LRRC4C: variants seen among roughly 807,000 people sequenced by gnomAD.
The protein encoded by LRRC4C is leucine-rich repeat-containing protein 4C.
A neutral mutation model predicts 33.6 loss-of-function variants in LRRC4C; 5 were observed. The ratio of observed to expected loss-of-function variants is 0.15; its 90% CI spans 0.08 to 0.31. The LOEUF is 0.31. LRRC4C is among the 10% of genes least tolerant of loss of function. The probability of loss-of-function intolerance (pLI) is 1.00; values close to 1 mark genes in which losing one functional copy is unlikely to be tolerated. For synonymous variants in LRRC4C, 329 were observed against 302.0 expected (o/e 1.09, Z -0.93); for missense variants, 560 against 796.7 (o/e 0.70, Z 3.58).
At chr11:41,148,598 A>T (rs189981983) in intron 1 of LRRC4C, among the ~76,000 whole-genome samples, 1 of 152,204 alleles carries the variant, frequency 6.6e-6, no homozygotes, top group Non-Finnish European at 1.5e-5. Flanking sequence ...GTTTTAGCTT[A>T]CTTGTGAACT....
At chr11:40,154,311 C>CAAAACAAAAAAA (rs1858495192) in intron 5 of LRRC4C, among the ~76,000 whole-genome samples, 140 of 137,650 alleles carry the variant, frequency 1.0e-3, no homozygotes, top group African/African-American at 3.7e-3. Flanking sequence ...AAACAAAAAG[C>CAAAACAAAAAAA]AAAGTACACA....
At chr11:40,404,763 A>AT (rs1949897731) in intron 3 of LRRC4C, among the ~76,000 whole-genome samples, 2 of 152,188 alleles carry the variant, frequency 1.3e-5, no homozygotes, top group Non-Finnish European at 1.5e-5. Context: ...TTATCCTTAA[A>AT]TATAGTTCAG....
chr11:40,508,250 G>A (rs534264798), intron 3 of LRRC4C, among the ~76,000 whole-genome samples: 1 of 152,182 alleles, frequency 6.6e-6, no homozygotes, highest in East Asian at 1.9e-4. Context: ...TGGAATTGAA[G>A]GCCAAAGAAG....
intron 3 of LRRC4C, among the ~76,000 whole-genome samples, chr11:40,338,243 A>G (rs1199198082): frequency 8.5e-5 from 13 of 152,226 alleles, no homozygotes; most frequent in Non-Finnish European, 1.9e-4. Context: ...TTCTAAAGGT[A>G]GTAAATAAGT....
chr11:40,187,423 T>C (rs943040503), intron 5 of LRRC4C, among the ~76,000 whole-genome samples: 5 of 151,930 alleles, frequency 3.3e-5, no homozygotes, highest in African/African-American at 7.3e-5. Flanking sequence ...AATGTTTGGA[T>C]TGACAGCTCT....
At chr11:41,431,768 A>G (rs1001721506) in intron 1 of LRRC4C, among the ~76,000 whole-genome samples, 1 of 152,132 alleles carries the variant, frequency 6.6e-6, no homozygotes, top group African/African-American at 2.4e-5. Flanking sequence ...GCAGATAACC[A>G]AATAACTCAT....
chr11:40,912,074 C>A (rs6416111), intron 2 of LRRC4C, among the ~76,000 whole-genome samples: 1 of 152,196 alleles, frequency 6.6e-6, no homozygotes, highest in Admixed American at 6.5e-5. Flanking sequence ...ATCTGATTAG[C>A]GTACCTGAAA....
chr11:40,623,528 G>A (rs1334140935), intron 3 of LRRC4C, among the ~76,000 whole-genome samples: 1 of 151,882 alleles, frequency 6.6e-6, no homozygotes, highest in African/African-American at 2.4e-5. Context: ...GTAACTAGTA[G>A]GATCTATAAA....
intron 1 of LRRC4C, among the ~76,000 whole-genome samples, chr11:41,016,867 G>T (rs910288561): frequency 6.6e-6 from 1 of 152,122 alleles, no homozygotes; most frequent in African/African-American, 2.4e-5. Flanking sequence ...TCCAGAAATG[G>T]CATCATTAGG....
chr11:40,901,739 C>A (rs1260384456), intron 2 of LRRC4C, among the ~76,000 whole-genome samples: 1 of 151,884 alleles, frequency 6.6e-6, no homozygotes, highest in African/African-American at 2.4e-5. Context: ...GTAGAGTGAA[C>A]CGTACACAAT....
At chr11:40,864,895 G>A (rs1214095873) in intron 2 of LRRC4C, among the ~76,000 whole-genome samples, 1 of 152,130 alleles carries the variant, frequency 6.6e-6, no homozygotes, top group South Asian at 2.1e-4. Context: ...GGGATAAGTG[G>A]ACAGGTGATA....
intron 4 of LRRC4C, among the ~76,000 whole-genome samples, chr11:40,304,201 C>T (rs1273881157): frequency 6.6e-6 from 1 of 152,132 alleles, no homozygotes; most frequent in African/African-American, 2.4e-5. Flanking sequence ...GCCTGGAAGA[C>T]CTAGCTCTTT....
At chr11:41,058,344 A>G (rs752831113) in intron 1 of LRRC4C, among the ~76,000 whole-genome samples, 10 of 152,186 alleles carry the variant, frequency 6.6e-5, no homozygotes, top group Non-Finnish European at 1.3e-4. Flanking sequence ...CCATGCCAGC[A>G]CCTGTAGCTG....
intron 3 of LRRC4C, among the ~76,000 whole-genome samples, chr11:40,574,909 G>T (rs956423009): frequency 6.6e-6 from 1 of 152,138 alleles, no homozygotes; most frequent in Non-Finnish European, 1.5e-5. Flanking sequence ...ACTCTAGAAG[G>T]TTGCACGCCA....
intron 1 of LRRC4C, among the ~76,000 whole-genome samples, chr11:40,973,287 G>C (rs1851858565): frequency 6.6e-6 from 1 of 151,826 alleles, no homozygotes. Context: ...AAGAAAGCTA[G>C]TCCACTTTAG....
intron 3 of LRRC4C, among the ~76,000 whole-genome samples, chr11:40,601,627 T>C (rs542659661): frequency 2.0e-4 from 30 of 152,352 alleles, no homozygotes; most frequent in African/African-American, 7.0e-4. Flanking sequence ...TTTTGTATCA[T>C]TAAAATTTCC....
At position 40,278,335 on chromosome 11, in the gene LRRC4C, C is replaced by T. The variant is rs190767511; in HGVS notation, c.-175-36737G>A. ...GGAATGGCGTATGTCACTGCTAAGACCTTTGCAACAACAGTTAGATTAAAT... is the reference window on the plus strand; with the variant it reads ...GGAATGGCGTATGTCACTGCTAAGATCTTTGCAACAACAGTTAGATTAAAT... On this transcript the variant is annotated intron_variant, in intron 4 of 6. Transcript: ENST00000528697. 6.2e-3 allele frequency among the ~76,000 whole-genome samples: 948 copies of T among 152,200 alleles called. 22 individuals are homozygous for T. The South Asian group carries it at 0.086, about 14-fold the overall frequency.
At chr11:40,668,351 T>A (rs1018805985) in intron 2 of LRRC4C, among the ~76,000 whole-genome samples, 2 of 152,232 alleles carry the variant, frequency 1.3e-5, no homozygotes, top group African/African-American at 4.8e-5. Flanking sequence ...GGCAAATCAA[T>A]GTGTCCTCAA....
At chr11:40,619,788 T>G (rs1022197965) in intron 3 of LRRC4C, among the ~76,000 whole-genome samples, 2 of 151,456 alleles carry the variant, frequency 1.3e-5, no homozygotes, top group African/African-American at 4.8e-5. Context: ...CATCCCACGA[T>G]AATTCAGTAA....
Sources: gnomAD v4.1 joint callset for allele counts (sites outside exome capture counted in the v4.1 genomes callset) on GRCh38, gnomAD v4.1.1 for gene constraint, MANE v1.5 for transcripts, NCBI Gene and HGNC (gene_info 2026-07-23, HGNC 2026-07-21) for gene names.